Variants in ZNF385D observed in about 807,000 individuals in gnomAD.
ZNF385D encodes zinc finger protein 659.
Under a neutral mutation model 35.8 loss-of-function variants are expected in ZNF385D, and 15 were observed. The ratio of observed to expected loss-of-function variants is 0.42; its 90% CI spans 0.28 to 0.64. The LOEUF (loss-of-function observed/expected upper bound fraction) is 0.64. ZNF385D is among the 30% of genes least tolerant of loss of function. The pLI is 0.23. For synonymous variants in ZNF385D, 212 were observed against 186.8 expected (o/e 1.13, Z -1.10); for missense variants, 474 against 494.6 (o/e 0.96, Z 0.39).
intron 2 of ZNF385D, among the ~76,000 whole-genome samples, chr3:21,644,060 A>G (rs139328703): frequency 6.6e-6 from 1 of 152,274 alleles, no homozygotes; most frequent in South Asian, 2.1e-4. Context: ...GTAACTCTTC[A>G]TTGAATGTTG....
intron 3 of ZNF385D, among the ~76,000 whole-genome samples, chr3:22,108,154 G>T (rs1353258754): frequency 6.6e-6 from 1 of 151,966 alleles, no homozygotes; most frequent in Admixed American, 6.6e-5. Flanking sequence ...AGCATAAAGT[G>T]AACTAAGACA....
At chr3:21,732,030 GTTTTTTTTTTTTTTTTT>G (rs1214143626) in intron 1 of ZNF385D, among the ~76,000 whole-genome samples, 2 of 37,370 alleles carry the variant, frequency 5.4e-5, no homozygotes, top group Non-Finnish European at 1.1e-4. Context: ...TTTTTTCGGG[GTTTTTTTTTTTTTTTTT>G]TTTTTTTTTT....
intron 2 of ZNF385D, among the ~76,000 whole-genome samples, chr3:22,295,250 C>A (rs1702507747): frequency 6.6e-6 from 1 of 152,028 alleles, no homozygotes; most frequent in African/African-American, 2.4e-5. Context: ...CTAAAACATT[C>A]CCAATACATT....
chr3:22,131,621 G>C (rs1703794866), intron 3 of ZNF385D, among the ~76,000 whole-genome samples: 1 of 152,170 alleles, frequency 6.6e-6, no homozygotes, highest in African/African-American at 2.4e-5. Flanking sequence ...GGTATAAGTG[G>C]AAGGGAAGGC....
chr3:21,493,796 G>A (rs897553291), intron 4 of ZNF385D, among the ~76,000 whole-genome samples: 97 of 152,130 alleles, frequency 6.4e-4, no homozygotes, highest in African/African-American at 2.2e-3. Context: ...CTGTACTAAA[G>A]ATCACCTTAG....
intron 3 of ZNF385D, among the ~76,000 whole-genome samples, chr3:21,950,804 A>T (rs1575992230): frequency 6.6e-6 from 1 of 151,882 alleles, no homozygotes; most frequent in East Asian, 1.9e-4. Flanking sequence ...TAAATAAGGA[A>T]TCATTTCCCC....
At chr3:22,283,762 C>G (rs900220932) in intron 2 of ZNF385D, among the ~76,000 whole-genome samples, 2 of 152,094 alleles carry the variant, frequency 1.3e-5, no homozygotes, top group East Asian at 1.9e-4. Flanking sequence ...ACAGTGATCA[C>G]CCAATACATT....
At chr3:21,711,491 A>T (rs1430156050) in intron 1 of ZNF385D, among the ~76,000 whole-genome samples, 1 of 152,202 alleles carries the variant, frequency 6.6e-6, no homozygotes, top group Non-Finnish European at 1.5e-5. Context: ...CACATTTTTT[A>T]AAAACGACAG....
chr3:22,044,838 G>C (rs1559329413), intron 3 of ZNF385D, among the ~76,000 whole-genome samples: 1 of 151,980 alleles, frequency 6.6e-6, no homozygotes, highest in South Asian at 2.1e-4. Context: ...GAGGAGGAGA[G>C]AAAATGAACT....
At position 21,482,702 on chromosome 3, in the gene ZNF385D, T is replaced by C. The variant is rs547298687; in HGVS notation, c.439+28159A>G. 4.6e-5 allele frequency among the ~76,000 whole-genome samples: 7 copies of C among 152,300 alleles called. No individual in the cohort carries two copies. In the South Asian group the frequency reaches 1.2e-3, roughly 27 times the overall value. ...ATCAAATTAGGTCAACCAACTCAAA[T>C]GTAAGGCTTTGAATAAACTCTTGCA... On this transcript the variant is annotated intron_variant, in intron 4 of 7. Transcript: ENST00000281523.
intron 3 of ZNF385D, among the ~76,000 whole-genome samples, chr3:22,146,210 A>G (rs1398851518): frequency 6.6e-6 from 1 of 152,230 alleles, no homozygotes; most frequent in Non-Finnish European, 1.5e-5. Context: ...TTGTACTTAT[A>G]GGATTTCACC....
At position 21,421,222 on chromosome 3, in the gene ZNF385D, G is replaced by C; in HGVS notation, c.1180C>G (p.Pro394Ala). Residue 394 changes from proline (P) to alanine (A), a missense_variant, in exon 8 of 8, where the codon CCT becomes GCT. Coordinates refer to ENST00000281523, the MANE Select transcript of ZNF385D (RefSeq NM_024697.3). Reference sequence around the variant, plus strand: ...TTACTCCTATTTGGAATTTAGTAAGGAGCAAACAGCACAGGAGTGTGGGCG... The same window carrying C: ...TTACTCCTATTTGGAATTTAGTAAGCAGCAAACAGCACAGGAGTGTGGGCG... The part of the protein sequence containing the change: ...RTAHTPVLFA[P>A]Y The C allele has an allele frequency of 6.2e-7, 1 of 1,613,816 alleles. No individual in the cohort carries two copies. The highest frequency in any genetic ancestry group is 8.5e-7 in the Non-Finnish European group (1 of 1,179,880).
intron 3 of ZNF385D, among the ~76,000 whole-genome samples, chr3:21,906,800 G>C (rs1699706496): frequency 6.6e-6 from 1 of 152,164 alleles, no homozygotes. Flanking sequence ...GTATGACCAG[G>C]TGAGATAACT....
intron 3 of ZNF385D, among the ~76,000 whole-genome samples, chr3:21,905,370 C>T (rs902201196): frequency 6.6e-6 from 1 of 152,008 alleles, no homozygotes; most frequent in Non-Finnish European, 1.5e-5. Context: ...GCAGACTTTT[C>T]TTTTATCACA....
intron 4 of ZNF385D, among the ~76,000 whole-genome samples, chr3:21,461,969 G>T (rs1233244648): frequency 6.6e-6 from 1 of 152,174 alleles, no homozygotes; most frequent in Non-Finnish European, 1.5e-5. Flanking sequence ...TAGAGTGATA[G>T]TTAAAAGTAT....
At chr3:22,009,577 T>C (rs1163321706) in intron 3 of ZNF385D, among the ~76,000 whole-genome samples, 3 of 148,906 alleles carry the variant, frequency 2.0e-5, no homozygotes, top group African/African-American at 7.4e-5. Flanking sequence ...GAGGCGAAAT[T>C]GCACAACTGC....
At chr3:21,444,010 C>A (rs938370744) in intron 4 of ZNF385D, among the ~76,000 whole-genome samples, 1 of 151,330 alleles carries the variant, frequency 6.6e-6, no homozygotes, top group East Asian at 1.9e-4. Flanking sequence ...TTAGACCATA[C>A]GTTATTCTAA....
intron 2 of ZNF385D, among the ~76,000 whole-genome samples, chr3:21,595,801 T>G (rs1238498465): frequency 6.6e-6 from 1 of 152,166 alleles, no homozygotes; most frequent in East Asian, 1.9e-4. Context: ...TAAAACTGTT[T>G]TGAGACATAC....
intron 3 of ZNF385D, among the ~76,000 whole-genome samples, chr3:21,930,836 C>G (rs933550873): frequency 6.6e-6 from 1 of 151,856 alleles, no homozygotes; most frequent in Admixed American, 6.6e-5. Context: ...TATTGAAGAC[C>G]AACATGTAAC....
Sources: gnomAD v4.1 joint callset for allele counts (sites outside exome capture counted in the v4.1 genomes callset) on GRCh38, gnomAD v4.1.1 for gene constraint, MANE v1.5 for transcripts, NCBI Gene and HGNC (gene_info 2026-07-23, HGNC 2026-07-21) for gene names.